Variants in SLC31A1 observed in about 807,000 individuals in gnomAD.
SLC31A1 encodes solute carrier family 31 member 1.
In SLC31A1, 5 loss-of-function variants were observed where a neutral mutation model predicts 17.2. The ratio of observed to expected loss-of-function variants is 0.29; its 90% confidence interval spans 0.15 to 0.61. SLC31A1 has a LOEUF of 0.61. SLC31A1 is among the 20% of genes least tolerant of loss of function. The pLI is 0.86. For synonymous variants in SLC31A1, 76 were observed against 78.8 expected, an observed-to-expected ratio of 0.96 and a Z score of 0.19; for missense variants, 161 against 241.4, an observed-to-expected ratio of 0.67 and a Z score of 2.21.
At chr9:113,260,233 T>C in intron 4 of SLC31A1, 39 bp from the exon 5 acceptor site, 4 of 1,577,734 alleles carry the variant, frequency 2.5e-6, no homozygotes, top group Non-Finnish European at 3.5e-6. Context: ...GCAGAACTCC[T>C]AGGAGTCCCT....
intron 1 of SLC31A1, among the ~76,000 whole-genome samples, chr9:113,229,095 C>T (rs560796474): frequency 6.6e-6 from 1 of 152,354 alleles, no homozygotes; most frequent in South Asian, 2.1e-4. Flanking sequence ...ATCCGCCCGC[C>T]ATGGCCTCCC....
At chr9:113,224,964 T>G (rs1373192116) in intron 1 of SLC31A1, among the ~76,000 whole-genome samples, 1 of 152,266 alleles carries the variant, frequency 6.6e-6, no homozygotes, top group Non-Finnish European at 1.5e-5. Context: ...AGTTAATTCA[T>G]GTAAAGCATT....
chr9:113,261,227 A>C lies in SLC31A1; in HGVS notation c.*754A>C, dbSNP rs1344813519. ...CAGTGAGCCAAGATGGCGCCATTGC[A>C]CTCCAGCCTGGGTGACAAGAGTGAA... is the stretch of plus-strand genomic sequence containing the variant. On this transcript the variant is annotated 3_prime_UTR_variant, in exon 5 of 5. Coordinates refer to ENST00000374212, the MANE Select transcript of SLC31A1 (RefSeq NM_001859.4). The C allele has an allele frequency of 6.6e-6, 1 of 152,634 alleles. No homozygotes were observed. Among genetic ancestry groups the C allele is most frequent in the African/African-American group, 2.4e-5 (1 of 41,434 alleles). The allele number at this position is 152,634 out of a possible 1,614,324, so 9.5% of individuals were successfully genotyped here.
At chr9:113,228,394 T>C (rs1413403721) in intron 1 of SLC31A1, among the ~76,000 whole-genome samples, 2 of 152,208 alleles carry the variant, frequency 1.3e-5, no homozygotes, top group African/African-American at 4.8e-5. Flanking sequence ...TGGAGTAAAG[T>C]AGCTGGGAGA....
In SLC31A1 at chr9:113,231,507, T is replaced by G. The variant is rs956590402; in HGVS notation, c.-36+9829T>G. ...TGAGCCCAGGAGGTGTAGGCCGCAG[T>G]GAGCTGTAATCATGCTACTGCACTC... On this transcript the variant is annotated intron_variant, in intron 1 of 4. Coordinates refer to ENST00000374212, the MANE Select transcript of SLC31A1 (RefSeq NM_001859.4). Among the ~76,000 whole-genome samples, 3 of 151,606 alleles carry G rather than the reference T, an allele frequency of 2.0e-5. No homozygotes were observed. In the South Asian group the frequency reaches 6.3e-4, roughly 32 times the overall value.
intron 1 of SLC31A1, among the ~76,000 whole-genome samples, chr9:113,232,515 C>G (rs1388848406): frequency 6.6e-6 from 1 of 151,856 alleles, no homozygotes; most frequent in Non-Finnish European, 1.5e-5. Context: ...CATTTGCACA[C>G]CCCTGCAAGC....
chr9:113,228,545 G>T (rs1256753408), intron 1 of SLC31A1, among the ~76,000 whole-genome samples: 1 of 152,232 alleles, frequency 6.6e-6, no homozygotes, highest in African/African-American at 2.4e-5. Context: ...TTGGAAGAAT[G>T]TAGTTGTACA....
At chr9:113,257,260 C>A in intron 3 of SLC31A1, 75 bp downstream of exon 3, 2 of 1,230,366 alleles carry the variant, frequency 1.6e-6, no homozygotes, top group Non-Finnish European at 2.4e-6. Flanking sequence ...GGAAGTCCAG[C>A]ACCTCTTTCT....
At chr9:113,252,762 A>C (rs1191053523) in intron 1 of SLC31A1, among the ~76,000 whole-genome samples, 6 of 152,054 alleles carry the variant, frequency 3.9e-5, no homozygotes, top group Admixed American at 3.9e-4. Flanking sequence ...GCAAATATTC[A>C]TTCCCTCCTC....
chr9:113,226,823 T>C lies in SLC31A1; in HGVS notation c.-36+5145T>C, dbSNP rs116018310. ...ATTGTAGAACTATGATGAGTGTTTATATAATTTTGAAGCAGTTTACAGCAT... is the reference window on the plus strand; with the variant it reads ...ATTGTAGAACTATGATGAGTGTTTACATAATTTTGAAGCAGTTTACAGCAT... On this transcript the variant is annotated intron_variant, in intron 1 of 4. Transcript: ENST00000374212. Among the ~76,000 whole-genome samples the C allele has an allele frequency of 6.6e-3, 1,012 of 152,312 alleles. 9 individuals are homozygous for C. Among genetic ancestry groups the C allele is most frequent in the African/African-American group, 0.023 (976 of 41,560 alleles).
intron 1 of SLC31A1, among the ~76,000 whole-genome samples, chr9:113,233,652 C>G (rs1266432040): frequency 6.6e-6 from 1 of 152,148 alleles, no homozygotes; most frequent in Non-Finnish European, 1.5e-5. Flanking sequence ...CAGTGTTAAC[C>G]CCCAAGTTCT....
At chr9:113,254,316 A>G (rs1372162784) in intron 1 of SLC31A1, among the ~76,000 whole-genome samples, 1 of 152,106 alleles carries the variant, frequency 6.6e-6, no homozygotes, top group Non-Finnish European at 1.5e-5. Context: ...TCACAGCATG[A>G]AATTATATTT....
At chr9:113,257,758 GA>G (rs1270722649) in intron 3 of SLC31A1, among the ~76,000 whole-genome samples, 1 of 152,048 alleles carries the variant, frequency 6.6e-6, no homozygotes, top group African/African-American at 2.4e-5. Flanking sequence ...AAAGTGCTGG[GA>G]TTACAGGCAT....
chr9:113,253,541 C>T (rs776135909), intron 1 of SLC31A1, among the ~76,000 whole-genome samples: 7 of 149,166 alleles, frequency 4.7e-5, no homozygotes, highest in Non-Finnish European at 8.9e-5. Flanking sequence ...ACCAGATTGT[C>T]GAGCTCTGTA....
Position 113,258,936 on chromosome 9 carries a change from C to G in SLC31A1, c.371+74C>G, listed in dbSNP as rs746462885. ...AAGCAGCAAAGCGCAGCTGTGTGAT[C>G]AGCAGCAGCCCTCTTCTTGAGTTAG... On this transcript the variant is annotated intron_variant, in intron 4 of 4. Transcript: ENST00000374212. The surrounding 1 kb of genome is among the most constrained non-coding windows in gnomAD (Gnocchi z 4.8). 4.2e-6 allele frequency: 6 copies of G among 1,444,644 alleles called. No homozygotes were observed. The highest frequency in any genetic ancestry group is 4.9e-6 in the Non-Finnish European group (5 of 1,028,530). The allele number at this position is 1,444,644 out of a possible 1,614,324, so 89.5% of individuals were successfully genotyped here. A position where few individuals can be genotyped will look rare whatever the true frequency, so the allele number is the denominator to read the frequency against.
At chr9:113,243,971 T>C (rs1294529032) in intron 1 of SLC31A1, among the ~76,000 whole-genome samples, 1 of 151,854 alleles carries the variant, frequency 6.6e-6, no homozygotes, top group Non-Finnish European at 1.5e-5. Context: ...CTGGCCAACA[T>C]GGTGAAACCT....
rs118154493 is a variant in SLC31A1 at position 113,244,815 on chromosome 9, T to C, written c.-35-11299T>C. On this transcript the variant is annotated intron_variant, in intron 1 of 4. Transcript: ENST00000374212. ...TACTTTCCTGAGTGCAGACTATCCTTGTAAGACTACAGTTGTAGCAAGTGC... is the reference window on the plus strand; with the variant it reads ...TACTTTCCTGAGTGCAGACTATCCTCGTAAGACTACAGTTGTAGCAAGTGC... 3.8e-4 allele frequency among the ~76,000 whole-genome samples: 58 copies of C among 152,326 alleles called. 1 individual carries two copies. In the East Asian group the frequency reaches 0.011, roughly 29 times the overall value.
At chr9:113,242,827 G>T (rs963102026) in intron 1 of SLC31A1, among the ~76,000 whole-genome samples, 1 of 152,168 alleles carries the variant, frequency 6.6e-6, no homozygotes, top group African/African-American at 2.4e-5. Flanking sequence ...AAAAGTTTTG[G>T]TTTAGCATTT....
intron 1 of SLC31A1, among the ~76,000 whole-genome samples, chr9:113,224,329 C>G (rs1395296876): frequency 6.6e-6 from 1 of 152,144 alleles, no homozygotes; most frequent in Non-Finnish European, 1.5e-5. Context: ...GCAAAGCAGT[C>G]TCACTGCAGA....
Sources: gnomAD v4.1 joint callset for allele counts (sites outside exome capture counted in the v4.1 genomes callset) on GRCh38, gnomAD v4.1.1 for gene constraint, Gnocchi (gnomAD v3.1) non-coding constraint, MANE v1.5 for transcripts, NCBI Gene and HGNC (gene_info 2026-07-23, HGNC 2026-07-21) for gene names.